Variants in ARPP21 observed in about 807,000 individuals in gnomAD.
ARPP21 encodes the protein cAMP-regulated phosphoprotein 21.
A neutral mutation model predicts 113.2 loss-of-function variants in ARPP21; 69 were observed. That is an observed-to-expected ratio of 0.61 (90% CI 0.50 to 0.74). The LOEUF is 0.74. Among genes scored for constraint, ARPP21 ranks in the 30% least tolerant of loss-of-function variants. ARPP21 has a pLI of 0.00. For synonymous variants in ARPP21, 368 were observed against 375.5 expected, an observed-to-expected ratio of 0.98 and a Z score of 0.23; for missense variants, 1,070 against 1,037.4, an observed-to-expected ratio of 1.03 and a Z score of -0.43.
chr3:35,696,781 T>C (rs546002927), intron 9 of ARPP21, among the ~76,000 whole-genome samples: 1 of 151,592 alleles, frequency 6.6e-6, no homozygotes, highest in Admixed American at 6.6e-5. Flanking sequence ...GTTAAAAATA[T>C]GAATAGTGAT....
intron 15 of ARPP21, among the ~76,000 whole-genome samples, chr3:35,732,911 G>T (rs933950050): frequency 1.3e-5 from 2 of 151,832 alleles, no homozygotes; most frequent in African/African-American, 4.8e-5. Flanking sequence ...CATGAATTTT[G>T]TGTTCTGTCT....
chr3:35,755,196 A>G lies in ARPP21; in HGVS notation c.2137+11231A>G, dbSNP rs2095530927. Among the ~76,000 whole-genome samples, 6 of 152,032 alleles carry G rather than the reference A, an allele frequency of 3.9e-5. No homozygotes were observed. The South Asian group carries it at 1.2e-3, about 32-fold the overall frequency. Reference sequence around the variant, plus strand: ...TTTTGTTTCTTGTTAATTTTTTGAGAGCAATTTCTGTTCTCAGTTGTCACC... The same window carrying G: ...TTTTGTTTCTTGTTAATTTTTTGAGGGCAATTTCTGTTCTCAGTTGTCACC... On this transcript the variant is annotated intron_variant, in intron 19 of 20. Coordinates refer to ENST00000684406, the MANE Select transcript of ARPP21 (RefSeq NM_001385562.1).
intron 19 of ARPP21, among the ~76,000 whole-genome samples, chr3:35,775,940 A>G (rs1003506208): frequency 4.6e-5 from 7 of 152,184 alleles, no homozygotes; most frequent in Non-Finnish European, 8.8e-5. Context: ...TTAAATGCAT[A>G]AAGTGTAATA....
At chr3:35,699,110 A>G (rs2085243605) in intron 9 of ARPP21, among the ~76,000 whole-genome samples, 1 of 151,618 alleles carries the variant, frequency 6.6e-6, no homozygotes, top group Non-Finnish European at 1.5e-5. Flanking sequence ...GTGTGTGAAT[A>G]CATAGTATGT....
At chr3:35,773,808 G>A (rs1280767449) in intron 19 of ARPP21, among the ~76,000 whole-genome samples, 2 of 151,922 alleles carry the variant, frequency 1.3e-5, no homozygotes, top group African/African-American at 4.8e-5. Context: ...TTTTTAGTTA[G>A]TTAATAATAA....
At chr3:35,652,969 A>T (rs1703064520) in intron 1 of ARPP21, among the ~76,000 whole-genome samples, 1 of 152,022 alleles carries the variant, frequency 6.6e-6, no homozygotes, top group South Asian at 2.1e-4. Context: ...TAGCCTTGTG[A>T]GTATTATTTG....
rs185677065 is a variant in ARPP21 at position 35,731,698 on chromosome 3, A to T, written c.1459+2162A>T. Among the ~76,000 whole-genome samples, 97 of 151,364 alleles carry T rather than the reference A, an allele frequency of 6.4e-4. No individual in the cohort carries two copies. The East Asian group carries it at 0.013, about 20-fold the overall frequency. ...TGTATCTACCTATCAAATTTCTTAT[A>T]TGACTTTTACTGTTGAAGCTAAAGG... On this transcript the variant is annotated intron_variant, in intron 15 of 20. Coordinates refer to ENST00000684406, the MANE Select transcript of ARPP21 (RefSeq NM_001385562.1).
At chr3:35,685,209 C>T (rs1378001764) in intron 5 of ARPP21, 3 of 985,222 alleles carry the variant, frequency 3.0e-6, no homozygotes, top group Non-Finnish European at 3.6e-6. Context: ...AAGGGATCAA[C>T]TGTATCACAG....
At chr3:35,697,048 AG>A (rs2084334952) in intron 9 of ARPP21, among the ~76,000 whole-genome samples, 1 of 151,620 alleles carries the variant, frequency 6.6e-6, no homozygotes, top group Non-Finnish European at 1.5e-5. Context: ...TTTTCCAAAA[AG>A]CCAAGATCAG....
At chr3:35,709,146 G>T in intron 11 of ARPP21, 76 bp downstream of exon 11, 2 of 983,818 alleles carry the variant, frequency 2.0e-6, no homozygotes, top group South Asian at 1.5e-5. Context: ...CCCAGACAGC[G>T]AGGTGGCAGG....
chr3:35,762,122 T>A (rs1451564102), intron 19 of ARPP21, among the ~76,000 whole-genome samples: 7 of 144,386 alleles, frequency 4.8e-5, no homozygotes, highest in Non-Finnish European at 9.1e-5. Context: ...TCTCTCTCTC[T>A]CTCTCACACA....
At chr3:35,768,473 G>A (rs1173154642) in intron 19 of ARPP21, among the ~76,000 whole-genome samples, 3 of 152,064 alleles carry the variant, frequency 2.0e-5, no homozygotes. Flanking sequence ...ACTATCACTA[G>A]TTTATAATTA....
chr3:35,727,945 G>T (rs1280280545), intron 14 of ARPP21, among the ~76,000 whole-genome samples: 1 of 151,956 alleles, frequency 6.6e-6, no homozygotes. Flanking sequence ...CACCTTAGGG[G>T]CTTCTGCACA....
intron 19 of ARPP21, among the ~76,000 whole-genome samples, chr3:35,780,473 TG>T (rs1481998641): frequency 6.6e-6 from 1 of 152,106 alleles, no homozygotes; most frequent in African/African-American, 2.4e-5. Context: ...CACCTTTTGA[TG>T]AAAATATTGT....
intron 19 of ARPP21, among the ~76,000 whole-genome samples, chr3:35,761,214 G>T (rs1480291300): frequency 1.3e-5 from 2 of 152,068 alleles, no homozygotes; most frequent in Non-Finnish European, 2.9e-5. Flanking sequence ...CATCTAGGTT[G>T]TCAGGAACAC....
chr3:35,656,152 A>G (rs1704776968), intron 1 of ARPP21, among the ~76,000 whole-genome samples: 1 of 152,084 alleles, frequency 6.6e-6, no homozygotes, highest in East Asian at 1.9e-4. Flanking sequence ...TCCACTAGAC[A>G]GAGTTACGCA....
rs1700054965 is a variant in ARPP21 at position 35,645,945 on chromosome 3, A to G, written c.-213+5547A>G. Among the ~76,000 whole-genome samples the G allele has an allele frequency of 3.3e-5, 5 of 152,054 alleles. No individual in the cohort carries two copies. The South Asian group carries it at 1.0e-3, about 31-fold the overall frequency. On this transcript the variant is annotated intron_variant, in intron 1 of 20. Coordinates refer to ENST00000684406, the MANE Select transcript of ARPP21 (RefSeq NM_001385562.1). Reference sequence around the variant, plus strand: ...ACAACAAGTGAGGTAAAAAATTTCAACATCTTTAAAGAACAAAATTGAACA... The same window carrying G: ...ACAACAAGTGAGGTAAAAAATTTCAGCATCTTTAAAGAACAAAATTGAACA...
At chr3:35,701,659 T>G (rs1419608528) in intron 9 of ARPP21, among the ~76,000 whole-genome samples, 1 of 151,226 alleles carries the variant, frequency 6.6e-6, no homozygotes, top group African/African-American at 2.4e-5. Flanking sequence ...ATCTTCAGAG[T>G]GGACAGTATG....
rs528993875 is a variant in ARPP21, at chr3:35,791,549, T to C, written c.2138-833T>C. Among the ~76,000 whole-genome samples, 187 of 152,318 alleles carry C rather than the reference T, an allele frequency of 1.2e-3. 1 individual carries two copies. The highest frequency in any genetic ancestry group is 2.3e-3 in the Non-Finnish European group (155 of 68,028). Reference sequence around the variant, plus strand: ...GACAGGCTTCCTTTATAAGGATGCATTTTAAACCACTCATTGAAGTGAGGA... The same window carrying C: ...GACAGGCTTCCTTTATAAGGATGCACTTTAAACCACTCATTGAAGTGAGGA... On this transcript the variant is annotated intron_variant, in intron 19 of 20. Coordinates refer to ENST00000684406, the MANE Select transcript of ARPP21 (RefSeq NM_001385562.1).
Sources: allele counts gnomAD v4.1 joint callset (sites outside exome capture counted in the v4.1 genomes callset), GRCh38; gene constraint gnomAD v4.1.1; transcripts MANE v1.5; gene names NCBI Gene and HGNC (gene_info 2026-07-23, HGNC 2026-07-21).